The following PLS1 variants were observed in gnomAD, a reference collection of about 807,000 sequenced individuals.
PLS1 encodes the protein plastin 1.
In PLS1, 32 loss-of-function variants were observed where a neutral mutation model predicts 73.7. The observed-to-expected ratio is 0.43, with a 90% CI of 0.33 to 0.58. The LOEUF is 0.58. PLS1 is among the 20% of genes least tolerant of loss of function. The probability of loss-of-function intolerance (pLI) is 0.04; values close to 1 mark genes in which losing one functional copy is unlikely to be tolerated. For missense variants in PLS1, 633 were observed against 740.5 expected, an observed-to-expected ratio of 0.85 and a Z score of 1.68; for synonymous variants, 217 against 261.3, an observed-to-expected ratio of 0.83 and a Z score of 1.63.
Position 142,602,486 on chromosome 3 carries a change from C to T in PLS1, c.-37+5977C>T, listed in dbSNP as rs79346655. 8.5e-3 allele frequency among the ~76,000 whole-genome samples: 1,296 copies of T among 152,196 alleles called. 16 individuals are homozygous for T. Among genetic ancestry groups the T allele is most frequent in the African/African-American group, 0.03 (1,236 of 41,504 alleles). On this transcript the variant is annotated intron_variant, in intron 1 of 15. Transcript: ENST00000457734. ...CCCCCAGGAAGAATCCAGGTGTGAA[C>T]ACATTCTCCCCCAATTTTTAAGATT...
intron 1 of PLS1, among the ~76,000 whole-genome samples, chr3:142,630,324 G>A (rs2036527837): frequency 6.6e-6 from 1 of 151,422 alleles, no homozygotes; most frequent in Non-Finnish European, 1.5e-5. Context: ...AGGGGGCTGA[G>A]GCGGGAGGAT....
At chr3:142,647,648 G>A (rs891703146) in intron 1 of PLS1, among the ~76,000 whole-genome samples, 3 of 151,848 alleles carry the variant, frequency 2.0e-5, no homozygotes, top group South Asian at 2.1e-4. Context: ...GATTACAGGT[G>A]CACACCACCA....
intron 2 of PLS1, among the ~76,000 whole-genome samples, chr3:142,667,471 G>A (rs896652640): frequency 2.6e-5 from 4 of 152,086 alleles, no homozygotes; most frequent in Non-Finnish European, 4.4e-5. Context: ...ACTTCAGCCT[G>A]GCGACAGAGC....
At chr3:142,684,211 CT>C (rs756517391) in intron 7 of PLS1, 40 bp downstream of exon 7, 5 of 1,613,630 alleles carry the variant, frequency 3.1e-6, no homozygotes, top group Non-Finnish European at 3.4e-6. Flanking sequence ...TTGACATGTA[CT>C]TGCTATGGGA....
chr3:142,611,355 C>T (rs1165281876), intron 1 of PLS1, among the ~76,000 whole-genome samples: 1 of 152,154 alleles, frequency 6.6e-6, no homozygotes, highest in African/African-American at 2.4e-5. Flanking sequence ...AGCATGGTGG[C>T]TCATGTCTGT....
chr3:142,699,108 G>A (rs923842903), intron 12 of PLS1, among the ~76,000 whole-genome samples: 4 of 152,090 alleles, frequency 2.6e-5, no homozygotes, highest in Non-Finnish European at 4.4e-5. Flanking sequence ...TCAGGGGTTG[G>A]GGGGCAAGGG....
chr3:142,644,944 C>T (rs777861769), intron 1 of PLS1, among the ~76,000 whole-genome samples: 3 of 152,166 alleles, frequency 2.0e-5, no homozygotes, highest in Non-Finnish European at 2.9e-5. Context: ...AGTTCTCTGG[C>T]AAATATCTGG....
intron 11 of PLS1, among the ~76,000 whole-genome samples, 182 bp from the exon 12 acceptor site, chr3:142,697,771 T>C (rs2038241168): frequency 6.6e-6 from 1 of 152,244 alleles, no homozygotes; most frequent in African/African-American, 2.4e-5. Flanking sequence ...TAAATATTTA[T>C]GTAAACATTT....
Position 142,711,984 on chromosome 3 carries a change from A to G in PLS1, c.1867A>G (p.Lys623Glu). The G allele has an allele frequency of 1.9e-6, 3 of 1,613,588 alleles. No individual in the cohort carries two copies. The highest frequency in any genetic ancestry group is 2.5e-6 in the Non-Finnish European group (3 of 1,179,540). Reference sequence around the variant, plus strand: ...GACGGTGTTTGCATGCTTAATGGGAAAAGGACTGAACAGAATAAAATAATC... The same window carrying G: ...GACGGTGTTTGCATGCTTAATGGGAGAAGGACTGAACAGAATAAAATAATC... ...VMTVFACLMG[K>E]GLNRIK The change falls in exon 16 of 16, where the codon AAA becomes GAA. Residue 623 changes from lysine (K) to glutamate (E), a missense_variant. By Grantham distance (56) the Lys-to-Glu change is moderately conservative. Coordinates refer to ENST00000457734, the MANE Select transcript of PLS1 (RefSeq NM_001145319.2).
intron 6 of PLS1, among the ~76,000 whole-genome samples, chr3:142,678,379 G>A (rs894234220): frequency 3.4e-5 from 5 of 147,924 alleles, no homozygotes; most frequent in South Asian, 2.2e-4. Flanking sequence ...CCATTAACTC[G>A]TCATTTAGCA....
intron 1 of PLS1, among the ~76,000 whole-genome samples, chr3:142,615,974 A>G (rs924403103): frequency 8.5e-5 from 13 of 152,216 alleles, no homozygotes; most frequent in Admixed American, 1.3e-4. Flanking sequence ...CCAGGAGACT[A>G]TGTTTTAACA....
intron 1 of PLS1, among the ~76,000 whole-genome samples, chr3:142,600,896 ATATATATATATATATATATAT>A (rs1305283975): frequency 1.5e-4 from 4 of 26,902 alleles, no homozygotes; most frequent in South Asian, 2.7e-3. Context: ...ATATATATAT[ATATATATATATATATATATAT>A]TTTTTTTTTT....
At chr3:142,698,164 T>C in intron 12 of PLS1, 97 bp downstream of exon 12, 1 of 711,288 alleles carries the variant, frequency 1.4e-6, no homozygotes, top group Non-Finnish European at 2.4e-6. Flanking sequence ...GTCCCCACAA[T>C]TCTGATTCAG....
At chr3:142,669,205 C>G (rs950797852) in intron 2 of PLS1, among the ~76,000 whole-genome samples, 185 bp from the exon 3 acceptor site, 3 of 151,928 alleles carry the variant, frequency 2.0e-5, no homozygotes, top group Non-Finnish European at 4.4e-5. Context: ...GGCTTAAATA[C>G]GAGTTTTTAA....
At chr3:142,651,348 G>C (rs775809304) in intron 1 of PLS1, among the ~76,000 whole-genome samples, 3 of 151,056 alleles carry the variant, frequency 2.0e-5, no homozygotes, top group Non-Finnish European at 4.4e-5. Flanking sequence ...TGTAATCTCA[G>C]CTTCTTTGGA....
chr3:142,639,533 G>A (rs1227294616), intron 1 of PLS1, among the ~76,000 whole-genome samples: 1 of 152,162 alleles, frequency 6.6e-6, no homozygotes, highest in Non-Finnish European at 1.5e-5. Flanking sequence ...AATACTTTCT[G>A]TATCATTTGA....
chr3:142,711,960 A>T lies in PLS1; in HGVS notation c.1843A>T (p.Thr615Ser). ...AGAAGTGAAACCAAAGATGGTTATG[A>T]CGGTGTTTGCATGCTTAATGGGAAA... The part of the protein sequence containing the change: ...LVEVKPKMVM[T>S]VFACLMGKGL... Residue 615 changes from threonine (T) to serine (S), a missense_variant, in exon 16 of 16, where the codon ACG (threonine) becomes TCG (serine). Coordinates refer to ENST00000457734, the MANE Select transcript of PLS1 (RefSeq NM_001145319.2). The T allele has an allele frequency of 1.2e-6, 2 of 1,613,528 alleles. No homozygotes were observed. The highest frequency in any genetic ancestry group is 1.7e-6 in the Non-Finnish European group (2 of 1,179,472).
intron 1 of PLS1, among the ~76,000 whole-genome samples, chr3:142,600,459 G>A (rs2035894054): frequency 6.6e-6 from 1 of 152,068 alleles, no homozygotes; most frequent in Non-Finnish European, 1.5e-5. Flanking sequence ...ACCAAAGGGT[G>A]GTGTTTATGA....
intron 9 of PLS1, among the ~76,000 whole-genome samples, chr3:142,689,306 C>T (rs183273298): frequency 1.9e-4 from 29 of 152,124 alleles, no homozygotes; most frequent in Non-Finnish European, 3.7e-4. Context: ...TGTCTGTAAT[C>T]CCAGCTACTC....
Sources: allele counts gnomAD v4.1 joint callset (sites outside exome capture counted in the v4.1 genomes callset), GRCh38; gene constraint gnomAD v4.1.1; transcripts MANE v1.5; gene names NCBI Gene and HGNC (gene_info 2026-07-23, HGNC 2026-07-21).